PRKCE: variants seen among roughly 807,000 people sequenced by gnomAD.
PRKCE encodes the protein protein kinase C epsilon, also known as protein kinase C epsilon type.
A neutral mutation model predicts 85.4 loss-of-function variants in PRKCE; 16 were observed. That is an observed-to-expected ratio of 0.19 (90% confidence interval 0.13 to 0.28). The LOEUF (loss-of-function observed/expected upper bound fraction) is 0.28, where lower values mean the gene tolerates loss of function less well. Ranked by LOEUF, PRKCE falls within the 10% of genes least tolerant of loss-of-function variation. PRKCE has a pLI of 1.00. For missense variants in PRKCE, 573 were observed against 975.2 expected, an observed-to-expected ratio of 0.59 and a Z score of 5.49; for synonymous variants, 388 against 371.5, an observed-to-expected ratio of 1.04 and a Z score of -0.51.
chr2:45,893,896 C>T (rs932564918), intron 2 of PRKCE, among the ~76,000 whole-genome samples: 1 of 152,136 alleles, frequency 6.6e-6, no homozygotes, highest in African/African-American at 2.4e-5. Context: ...TATAGGAGGC[C>T]TCCTGGAGAG....
Position 45,848,969 on chromosome 2 carries a change from G to A in PRKCE, c.412+5906G>A, listed in dbSNP as rs557643216. Among the ~76,000 whole-genome samples the A allele has an allele frequency of 3.9e-5, 6 of 152,226 alleles. No homozygotes were observed. In the East Asian group the frequency reaches 9.7e-4, roughly 25 times the overall value. The stretch of plus-strand genomic sequence containing the variant: ...AGTGGAGAGACCATTGTGAGTGGAG[G>A]GAATCATGTCATCATTATCAAAGAC... On this transcript the variant is annotated intron_variant, in intron 2 of 14. Coordinates refer to ENST00000306156, the MANE Select transcript of PRKCE (RefSeq NM_005400.3).
intron 10 of PRKCE, among the ~76,000 whole-genome samples, chr2:46,050,747 T>TC (rs1708803650): frequency 6.6e-6 from 1 of 152,230 alleles, no homozygotes; most frequent in African/African-American, 2.4e-5. Context: ...GATTTCTTTT[T>TC]TCCCCCCCAG....
chr2:45,951,556 C>T (rs951608476), intron 2 of PRKCE, among the ~76,000 whole-genome samples: 4 of 152,210 alleles, frequency 2.6e-5, no homozygotes, highest in Non-Finnish European at 4.4e-5. Flanking sequence ...CCACAAGATA[C>T]GTGCTCTGCT....
intron 1 of PRKCE, among the ~76,000 whole-genome samples, chr2:45,738,653 G>A (rs984314206): frequency 2.6e-5 from 4 of 152,192 alleles, no homozygotes; most frequent in African/African-American, 9.7e-5. Flanking sequence ...TGAGCATCTT[G>A]GGAAGGATCA....
At chr2:45,755,472 G>A (rs1304339121) in intron 1 of PRKCE, among the ~76,000 whole-genome samples, 3 of 152,142 alleles carry the variant, frequency 2.0e-5, no homozygotes, top group East Asian at 1.9e-4. Context: ...TTCATTCTAC[G>A]GTGACTGCTA....
At position 46,041,397 on chromosome 2, in the gene PRKCE, T is replaced by C. The variant is rs1453381318; in HGVS notation, c.1437+30880T>C. Among the ~76,000 whole-genome samples, 2 of 152,254 alleles carry C rather than the reference T, an allele frequency of 1.3e-5. No homozygotes were observed. The highest frequency in any genetic ancestry group is 4.8e-5 in the African/African-American group (2 of 41,466). ...ATATTTATAGAGCCACATACACCTG[T>C]TAGACACACATTGAGTTTTCAAGAG... On this transcript the variant is annotated intron_variant, in intron 10 of 14. Transcript: ENST00000306156. The surrounding 1 kb of genome is among the most constrained non-coding windows in gnomAD (Gnocchi z 5.5).
intron 1 of PRKCE, among the ~76,000 whole-genome samples, chr2:45,826,701 C>A (rs1025376245): frequency 4.2e-4 from 64 of 152,324 alleles, no homozygotes; most frequent in African/African-American, 1.5e-3. Context: ...ACCCCACCCA[C>A]CCTGTTCTGA....
chr2:46,047,438 A>G (rs1488197941), intron 10 of PRKCE, among the ~76,000 whole-genome samples: 2 of 152,156 alleles, frequency 1.3e-5, no homozygotes, highest in Non-Finnish European at 2.9e-5. Flanking sequence ...CGTGGAAGAC[A>G]TTGTTCTGGG....
intron 10 of PRKCE, among the ~76,000 whole-genome samples, chr2:46,053,609 T>C (rs1353068711): frequency 6.6e-6 from 1 of 152,234 alleles, no homozygotes; most frequent in Non-Finnish European, 1.5e-5. Flanking sequence ...AGTATCTATC[T>C]TTTTGTGTCT....
At chr2:45,862,964 C>G (rs960172333) in intron 2 of PRKCE, among the ~76,000 whole-genome samples, 1 of 152,206 alleles carries the variant, frequency 6.6e-6, no homozygotes, top group African/African-American at 2.4e-5. Flanking sequence ...TACTCACTCT[C>G]TAATCTACTC....
At chr2:45,889,592 C>A (rs145842056) in intron 2 of PRKCE, among the ~76,000 whole-genome samples, 3 of 151,962 alleles carry the variant, frequency 2.0e-5, no homozygotes, top group African/African-American at 7.3e-5. Context: ...TGGGGGAAGC[C>A]CTCAAATCTG....
intron 2 of PRKCE, among the ~76,000 whole-genome samples, chr2:45,922,661 C>T (rs1034459379): frequency 2.6e-5 from 4 of 152,216 alleles, no homozygotes; most frequent in Admixed American, 2.6e-4. Flanking sequence ...GCCGTCAGCT[C>T]AAGCTGCACT....
intron 2 of PRKCE, among the ~76,000 whole-genome samples, chr2:45,944,682 T>TTTTTTTTTG (rs1700119534): frequency 3.8e-5 from 5 of 130,236 alleles, no homozygotes; most frequent in Non-Finnish European, 6.5e-5. Flanking sequence ...TTTTTTTTTT[T>TTTTTTTTTG]GTAGAGACAG....
chr2:45,897,759 G>T (rs931391055), intron 2 of PRKCE, among the ~76,000 whole-genome samples: 1 of 152,174 alleles, frequency 6.6e-6, no homozygotes, highest in Admixed American at 6.5e-5. Flanking sequence ...CAGCAATATG[G>T]TTTATGATTT....
At chr2:45,783,036 G>A (rs1017198443) in intron 1 of PRKCE, among the ~76,000 whole-genome samples, 5 of 152,180 alleles carry the variant, frequency 3.3e-5, no homozygotes, top group Non-Finnish European at 5.9e-5. Flanking sequence ...ATTTTCATGC[G>A]CCTTCCCCGT....
intron 11 of PRKCE, among the ~76,000 whole-genome samples, chr2:46,102,243 T>C (rs1452079555): frequency 6.6e-6 from 1 of 152,182 alleles, no homozygotes; most frequent in African/African-American, 2.4e-5. Context: ...GACTCTCTTA[T>C]GAAGATAAGA....
intron 1 of PRKCE, among the ~76,000 whole-genome samples, chr2:45,687,791 T>G (rs1158991397): frequency 1.3e-5 from 2 of 152,218 alleles, no homozygotes; most frequent in African/African-American, 4.8e-5. Flanking sequence ...ATTCCAATAT[T>G]TCAGAAAAAG....
At chr2:46,032,440 G>A (rs756806633) in intron 10 of PRKCE, among the ~76,000 whole-genome samples, 18 of 152,194 alleles carry the variant, frequency 1.2e-4, no homozygotes, top group Non-Finnish European at 2.2e-4. Context: ...AATGGGCACG[G>A]GTTTGCTGGC....
intron 10 of PRKCE, among the ~76,000 whole-genome samples, chr2:46,056,787 T>A (rs1666620765): frequency 6.6e-6 from 1 of 152,218 alleles, no homozygotes; most frequent in Admixed American, 6.5e-5. Context: ...GCCTTCAAAC[T>A]TTTCTTTTTT....
Sources: allele counts gnomAD v4.1 joint callset (sites outside exome capture counted in the v4.1 genomes callset), GRCh38; gene constraint gnomAD v4.1.1; non-coding constraint Gnocchi (gnomAD v3.1); transcripts MANE v1.5; gene names NCBI Gene and HGNC (gene_info 2026-07-23, HGNC 2026-07-21).